MMEL1: variants seen among roughly 807,000 people sequenced by gnomAD.
MMEL1 encodes the protein membrane metallo-endopeptidase-like 1.
In MMEL1, 98 loss-of-function variants were observed where a neutral mutation model predicts 117.1. That is an observed-to-expected ratio of 0.84 (90% CI 0.71 to 0.99). MMEL1 has a LOEUF of 0.99. Ranked by LOEUF, MMEL1 falls within the 50% of genes least tolerant of loss-of-function variation. The probability of loss-of-function intolerance (pLI) is 0.00; values close to 1 mark genes in which losing one functional copy is unlikely to be tolerated. For missense variants in MMEL1, 1,014 were observed against 1,049.1 expected, an observed-to-expected ratio of 0.97 and a Z score of 0.46; for synonymous variants, 390 against 415.1, an observed-to-expected ratio of 0.94 and a Z score of 0.74.
intron 1 of MMEL1, among the ~76,000 whole-genome samples, chr1:2,630,500 G>C (rs1638496839): frequency 6.6e-6 from 1 of 151,720 alleles, no homozygotes; most frequent in South Asian, 2.1e-4. Context: ...GTGTGCGTGT[G>C]CTCTCGTGTG....
At chr1:2,611,381 AGGGTGGGGCAGGACTGGAGTGGGTGT>A in intron 3 of MMEL1, 41 bp from the exon 4 acceptor site, 1 of 1,108,842 alleles carries the variant, frequency 9.0e-7, no homozygotes, top group Non-Finnish European at 1.1e-6. Context: ...AGCCACGGAG[AGGGTGGGGCAGGACTGGAGTGGGTGT>A]GGGCGGGGCA....
chr1:2,594,700 T>C (rs1004778096), intron 17 of MMEL1, 90 bp downstream of exon 17: 1 of 1,171,294 alleles, frequency 8.5e-7, no homozygotes, highest in African/African-American at 1.5e-5. Context: ...CAGCCACGCA[T>C]CCAGTCCCCC....
chr1:2,604,986 C>G (rs1291594685), intron 9 of MMEL1, among the ~76,000 whole-genome samples: 4 of 152,190 alleles, frequency 2.6e-5, no homozygotes, highest in Non-Finnish European at 5.9e-5. Flanking sequence ...CACCAGGAGG[C>G]CCCCTGGATT....
At chr1:2,615,727 A>G (rs1313093306) in intron 2 of MMEL1, among the ~76,000 whole-genome samples, 3 of 152,208 alleles carry the variant, frequency 2.0e-5, no homozygotes, top group Non-Finnish European at 2.9e-5. Context: ...CTATTTTGCA[A>G]TGCTTCTGTA....
In MMEL1 at chr1:2,590,814, C is replaced by T; in HGVS notation, c.*176G>A. 2.1e-6 allele frequency: 1 copy of T among 467,118 alleles called. No individual in the cohort carries two copies. Among genetic ancestry groups the T allele is most frequent in the Non-Finnish European group, 3.7e-6 (1 of 269,008 alleles). 28.9% of individuals were successfully genotyped at this position (467,118 alleles called of 1,614,324 possible). ...TCCAGGTACTGCACTGGACACTGCT[C>T]ATCCCTGGGTGTCAGGCAGGTGGCT... On this transcript the variant is annotated 3_prime_UTR_variant, in exon 24 of 24. Transcript: ENST00000378412.
At chr1:2,631,195 T>C (rs1301215042) in intron 1 of MMEL1, among the ~76,000 whole-genome samples, 1 of 152,186 alleles carries the variant, frequency 6.6e-6, no homozygotes, top group African/African-American at 2.4e-5. Context: ...CTGGGTGCTT[T>C]GGCCTTCCAG....
intron 6 of MMEL1, among the ~76,000 whole-genome samples, chr1:2,609,020 T>C (rs935957238): frequency 7.1e-6 from 1 of 139,910 alleles, no homozygotes; most frequent in Non-Finnish European, 1.6e-5. Context: ...ATACACATAC[T>C]CATATCCATA....
intron 13 of MMEL1, 34 bp downstream of exon 13, chr1:2,598,173 G>T (rs1644876148): frequency 6.3e-7 from 1 of 1,576,162 alleles, no homozygotes; most frequent in Non-Finnish European, 8.7e-7. Flanking sequence ...ATGAATGAGT[G>T]CCCGGCCAGG....
intron 2 of MMEL1, among the ~76,000 whole-genome samples, chr1:2,626,597 T>C (rs1487686148): frequency 1.3e-5 from 2 of 152,284 alleles, no homozygotes; most frequent in East Asian, 1.9e-4. Flanking sequence ...CTATGGGCCA[T>C]AGTTTGCCAA....
Position 2,591,541 on chromosome 1 carries a change from A to G in MMEL1, c.2240+16T>C, listed in dbSNP as rs1213083495. 6.2e-7 allele frequency: 1 copy of G among 1,610,696 alleles called. No individual in the cohort carries two copies. Among genetic ancestry groups the G allele is most frequent in the Admixed American group, 1.7e-5 (1 of 59,984 alleles). On this transcript the variant is annotated intron_variant, in intron 23 of 23. Transcript: ENST00000378412. ...GGTTGTGGGTGGCAAGGGGGTTGTGAGCATGGGAGACTTGCCTGTACTTCA... is the reference window on the plus strand; with the variant it reads ...GGTTGTGGGTGGCAAGGGGGTTGTGGGCATGGGAGACTTGCCTGTACTTCA...
At chr1:2,623,712 A>T (rs1406730541) in intron 2 of MMEL1, among the ~76,000 whole-genome samples, 1 of 152,198 alleles carries the variant, frequency 6.6e-6, no homozygotes, top group African/African-American at 2.4e-5. Context: ...GATGCCGATG[A>T]GAAAGGCTGG....
At chr1:2,593,579 AG>A (rs1644779782) in intron 19 of MMEL1, among the ~76,000 whole-genome samples, 1 of 152,180 alleles carries the variant, frequency 6.6e-6, no homozygotes, top group Non-Finnish European at 1.5e-5. Flanking sequence ...AGGTGGAGTC[AG>A]GGTCATGGGC....
Position 2,623,275 on chromosome 1 carries a change from G to A in MMEL1, c.154+6056C>T, listed in dbSNP as rs145331171. On this transcript the variant is annotated intron_variant, in intron 2 of 23. Coordinates refer to ENST00000378412, the MANE Select transcript of MMEL1 (RefSeq NM_033467.4). ...CTTGTATTGTTTGGAAGAAATAATA[G>A]AGATATTGATTACTTTAATATTTAA... Among the ~76,000 whole-genome samples the A allele has an allele frequency of 4.4e-3, 668 of 152,154 alleles. 3 individuals carry two copies. The highest frequency in any genetic ancestry group is 0.015 in the African/African-American group (629 of 41,496).
At chr1:2,629,662 C>G in intron 1 of MMEL1, 141 bp from the exon 2 acceptor site, 1 of 713,160 alleles carries the variant, frequency 1.4e-6, no homozygotes, top group South Asian at 2.2e-5. Flanking sequence ...TCCAAGCTCA[C>G]AACCCTGGGT....
At chr1:2,619,146 G>C (rs1316531367) in intron 2 of MMEL1, among the ~76,000 whole-genome samples, 1 of 152,152 alleles carries the variant, frequency 6.6e-6, no homozygotes, top group Non-Finnish European at 1.5e-5. Flanking sequence ...GCCAGGAGAG[G>C]GATCTGCGCA....
At chr1:2,604,025 GC>G in intron 10 of MMEL1, 52 bp from the exon 11 acceptor site, 1 of 1,590,848 alleles carries the variant, frequency 6.3e-7, no homozygotes, top group Admixed American at 1.7e-5. Context: ...GCCCCCTGGG[GC>G]TCCTGGCCCA....
At position 2,612,962 on chromosome 1, in the gene MMEL1, G is replaced by A. The variant is rs754008820; in HGVS notation, c.155-758C>T. Among the ~76,000 whole-genome samples the A allele has an allele frequency of 2.0e-5, 3 of 152,214 alleles. No homozygotes were observed. The highest frequency in any genetic ancestry group is 4.4e-5 in the Non-Finnish European group (3 of 68,038). ...TGAATGGAAGGAGGGAACAGGGCTC[G>A]TTCAGGTCAGGGCTGTTGGCAGGCC... On this transcript the variant is annotated intron_variant, in intron 2 of 23. Coordinates refer to ENST00000378412, the MANE Select transcript of MMEL1 (RefSeq NM_033467.4). This position sits in a 1 kb window ranked among gnomAD's most constrained non-coding sequence, Gnocchi z 5.4.
At chr1:2,593,056 C>T (rs1644768780) in intron 19 of MMEL1, 90 bp from the exon 20 acceptor site, 2 of 1,500,448 alleles carry the variant, frequency 1.3e-6, no homozygotes, top group East Asian at 2.3e-5. Context: ...CGCTCCTGCC[C>T]CTCCTGCAGC....
Position 2,591,633 on chromosome 1 carries a change from C to T in MMEL1, c.2164G>A (p.Val722Met), listed in dbSNP as rs1294504212. ...EQLFFINYAQVWCGSYRPEFA... is the reference protein window; with the variant it reads ...EQLFFINYAQMWCGSYRPEFA... Reference sequence around the variant, plus strand: ...TCGGGCCGGTAGGACCCGCACCACACCTGTGGGCATGTTGGGGGCGTGGCT... The same window carrying T: ...TCGGGCCGGTAGGACCCGCACCACATCTGTGGGCATGTTGGGGGCGTGGCT... Residue 722 changes from valine to methionine, a missense_variant and splice_region_variant, in exon 23 of 24, where the codon GTG (valine) becomes ATG (methionine). Coordinates refer to ENST00000378412, the MANE Select transcript of MMEL1 (RefSeq NM_033467.4). 1.6e-5 allele frequency: 25 copies of T among 1,611,046 alleles called. No individual in the cohort carries two copies. The highest frequency in any genetic ancestry group is 1.9e-5 in the Non-Finnish European group (22 of 1,178,816).
Sources: allele counts gnomAD v4.1 joint callset (sites outside exome capture counted in the v4.1 genomes callset), GRCh38; gene constraint gnomAD v4.1.1; non-coding constraint Gnocchi (gnomAD v3.1); transcripts MANE v1.5; gene names NCBI Gene and HGNC (gene_info 2026-07-23, HGNC 2026-07-21).